SNCAIP: variants seen among roughly 807,000 people sequenced by gnomAD.
The protein encoded by SNCAIP is synphilin-1.
Under a neutral mutation model 86.7 loss-of-function variants are expected in SNCAIP, and 43 were observed. The observed-to-expected ratio is 0.50, with a 90% CI of 0.39 to 0.64. The LOEUF (loss-of-function observed/expected upper bound fraction) is 0.64. Among genes scored for constraint, SNCAIP ranks in the 30% least tolerant of loss-of-function variants. The pLI is 0.00. For synonymous variants in SNCAIP, 417 were observed against 427.2 expected (o/e 0.98, Z 0.29); for missense variants, 981 against 1,103.1 (o/e 0.89, Z 1.57).
intron 1 of SNCAIP, among the ~76,000 whole-genome samples, chr5:122,345,873 G>C (rs1051211814): frequency 1.3e-5 from 2 of 151,858 alleles, no homozygotes; most frequent in African/African-American, 4.8e-5. Flanking sequence ...GGCTGGTCTT[G>C]AACACCTGAC....
intron 1 of SNCAIP, among the ~76,000 whole-genome samples, chr5:122,355,983 G>C (rs1760921069): frequency 6.6e-6 from 1 of 151,494 alleles, no homozygotes; most frequent in East Asian, 1.9e-4. Flanking sequence ...TTATGGTTCA[G>C]AATAACTTTT....
intron 2 of SNCAIP, among the ~76,000 whole-genome samples, chr5:122,391,906 G>A (rs960919344): frequency 6.6e-6 from 1 of 152,150 alleles, no homozygotes; most frequent in Non-Finnish European, 1.5e-5. Flanking sequence ...AAACATGTTG[G>A]CCTGGAGTGC....
At chr5:122,320,770 CAG>C (rs999690997) in intron 1 of SNCAIP, among the ~76,000 whole-genome samples, 1 of 152,172 alleles carries the variant, frequency 6.6e-6, no homozygotes, top group African/African-American at 2.4e-5. Context: ...GGAGTGAAGA[CAG>C]GGGTAACTGC....
At chr5:122,401,001 G>A (rs1232175160) in intron 2 of SNCAIP, 1 of 1,550,040 alleles carries the variant, frequency 6.5e-7, no homozygotes, top group Admixed American at 2.0e-5. Context: ...TAGGAGTCAA[G>A]GGAACAGGCT....
intron 8 of SNCAIP, chr5:122,444,954 C>G (rs1454367168): frequency 7.0e-6 from 4 of 570,562 alleles, no homozygotes; most frequent in Non-Finnish European, 1.3e-5. Flanking sequence ...AAGTGTACAG[C>G]AAGCTCCCAA....
chr5:122,313,095 T>C (rs1750963248), intron 1 of SNCAIP, among the ~76,000 whole-genome samples: 1 of 152,240 alleles, frequency 6.6e-6, no homozygotes, highest in Admixed American at 6.5e-5. Context: ...AAGAAAGTCT[T>C]AGGAAACAAA....
intron 1 of SNCAIP, among the ~76,000 whole-genome samples, chr5:122,333,379 C>T (rs1260247996): frequency 1.3e-5 from 2 of 152,148 alleles, no homozygotes; most frequent in Non-Finnish European, 2.9e-5. Context: ...TTTCCAAGTC[C>T]TGTCTCAGTT....
Position 122,450,918 on chromosome 5 carries a change from A to C in SNCAIP, c.2071A>C (p.Thr691Pro). Reference sequence around the variant, plus strand: ...CAACAACTCTGAGGACCCCAAGACTACCCCAGTGAGGAAGGCTGACCGACC... The same window carrying C: ...CAACAACTCTGAGGACCCCAAGACTCCCCCAGTGAGGAAGGCTGACCGACC... ...DSNNSEDPKT[T>P]PVRKADRPRP... is the part of the protein sequence containing the mutation. Residue 691 changes from threonine (T) to proline (P), a missense_variant, in exon 10 of 11, where the codon ACC (threonine) becomes CCC (proline). By Grantham distance (38) the Thr-to-Pro change is conservative. Transcript: ENST00000261368. 6.2e-7 allele frequency: 1 copy of C among 1,614,024 alleles called. No homozygotes were observed. Among genetic ancestry groups the C allele is most frequent in the Non-Finnish European group, 8.5e-7 (1 of 1,179,994 alleles).
At chr5:122,341,207 G>A (rs757546428) in intron 1 of SNCAIP, among the ~76,000 whole-genome samples, 2 of 152,188 alleles carry the variant, frequency 1.3e-5, no homozygotes, top group African/African-American at 2.4e-5. Flanking sequence ...TTTTTAAAGT[G>A]TTGAAAGAGA....
chr5:122,400,805 G>A (rs1211450102), intron 2 of SNCAIP, among the ~76,000 whole-genome samples: 1 of 152,210 alleles, frequency 6.6e-6, no homozygotes, highest in Non-Finnish European at 1.5e-5. Flanking sequence ...CTTTGGCAGA[G>A]CTCTTCTTCA....
intron 1 of SNCAIP, among the ~76,000 whole-genome samples, chr5:122,352,213 G>T (rs1760011278): frequency 6.6e-6 from 1 of 152,144 alleles, no homozygotes; most frequent in East Asian, 1.9e-4. Context: ...CATCAAAAAA[G>T]ATGACACCAC....
At chr5:122,389,067 T>C (rs2152835852) in intron 1 of SNCAIP, 1 of 152,366 alleles carries the variant, frequency 6.6e-6, no homozygotes, top group Middle Eastern at 3.4e-3. Context: ...TGCCATGAGT[T>C]ATTATCCGCT....
At chr5:122,397,920 C>T (rs1770960841) in intron 2 of SNCAIP, among the ~76,000 whole-genome samples, 1 of 152,072 alleles carries the variant, frequency 6.6e-6, no homozygotes, top group South Asian at 2.1e-4. Context: ...GAATTTTAAA[C>T]AACAGTTGAT....
At chr5:122,401,955 G>A (rs1771909178) in intron 2 of SNCAIP, among the ~76,000 whole-genome samples, 1 of 152,194 alleles carries the variant, frequency 6.6e-6, no homozygotes, top group Admixed American at 6.5e-5. Context: ...TCGAAATACA[G>A]ATAGCAGCTC....
intron 1 of SNCAIP, among the ~76,000 whole-genome samples, chr5:122,376,578 A>G (rs1452018023): frequency 6.6e-6 from 1 of 152,154 alleles, no homozygotes; most frequent in Non-Finnish European, 1.5e-5. Context: ...TCATTAGGTC[A>G]TAGTTTTGTC....
intron 4 of SNCAIP, among the ~76,000 whole-genome samples, chr5:122,424,632 T>C (rs527434035): frequency 3.4e-4 from 52 of 152,378 alleles, no homozygotes; most frequent in African/African-American, 1.2e-3. Flanking sequence ...TTTTTTCTCC[T>C]GAAAATGTCT....
chr5:122,358,181 GTGTGTGTGTGTGTGTGTGTGTGTA>G (rs1561573638), intron 1 of SNCAIP, among the ~76,000 whole-genome samples: 1 of 78,468 alleles, frequency 1.3e-5, no homozygotes, highest in African/African-American at 4.8e-5. Flanking sequence ...GTGTGTGTGT[GTGTGTGTGTGTGTGTGTGTGTGTA>G]TATATATATA....
At chr5:122,431,287 T>C (rs922209107) in intron 5 of SNCAIP, among the ~76,000 whole-genome samples, 3 of 152,166 alleles carry the variant, frequency 2.0e-5, no homozygotes, top group Non-Finnish European at 2.9e-5. Flanking sequence ...GTATTCACTA[T>C]TCACAAAAAA....
Position 122,403,866 on chromosome 5 carries a change from G to A in SNCAIP, c.130+1G>A. ...GATACGCAAAACGAAGACAGATCAG[G>A]TAGGTTTTGCTCCTCCCCTCTTCTC... On this transcript the variant is annotated splice_donor_variant, in intron 3 of 10. Transcript: ENST00000261368. LOFTEE classifies it high-confidence loss of function. 1 of 1,612,792 alleles carries A rather than the reference G, an allele frequency of 6.2e-7. No homozygotes were observed. The highest frequency in any genetic ancestry group is 8.5e-7 in the Non-Finnish European group (1 of 1,178,832).
Sources: allele counts gnomAD v4.1 joint callset (sites outside exome capture counted in the v4.1 genomes callset), GRCh38; gene constraint gnomAD v4.1.1; transcripts MANE v1.5; gene names NCBI Gene and HGNC (gene_info 2026-07-23, HGNC 2026-07-21).